The following SETDB1 variants were observed in gnomAD, a reference collection of about 807,000 sequenced individuals.
The protein encoded by SETDB1 is histone-lysine N-methyltransferase SETDB1.
SETDB1 carries 31 observed loss-of-function variants against 137.4 expected under a neutral mutation model. The ratio of observed to expected loss-of-function variants is 0.23; its 90% CI spans 0.17 to 0.30. The LOEUF (loss-of-function observed/expected upper bound fraction) is 0.30. Ranked by LOEUF, SETDB1 falls within the 10% of genes least tolerant of loss-of-function variation. The pLI, the probability that SETDB1 is intolerant of heterozygous loss-of-function variation, is 1.00. For synonymous variants in SETDB1, 548 were observed against 579.9 expected (o/e 0.95, Z 0.79); for missense variants, 1,113 against 1,631.5 (o/e 0.68, Z 5.47).
intron 19 of SETDB1, 80 bp from the exon 20 acceptor site, chr1:150,963,440 GGAGAGAAATA>G (rs1670888272): frequency 9.0e-7 from 1 of 1,111,334 alleles, no homozygotes; most frequent in African/African-American, 1.6e-5. Context: ...TGCAATGTTG[GGAGAGAAATA>G]GGGGTAGAAT....
At position 150,960,772 on chromosome 1, in the gene SETDB1, G is replaced by T; in HGVS notation, c.2713G>T (p.Asp905Tyr). 1 of 1,610,636 alleles carries T rather than the reference G, an allele frequency of 6.2e-7. No homozygotes were observed. The highest frequency in any genetic ancestry group is 8.5e-7 in the Non-Finnish European group (1 of 1,178,338). Reference protein sequence around the residue: ...GTEDPEESNDDSSDDNFCKDE... With the variant: ...GTEDPEESNDYSSDDNFCKDE... ...AGAGGACCCTGAAGAGTCCAATGAT[G>T]ATAGCTCAGATGATAACTTCTGTAA... The change falls in exon 16 of 22, where the codon GAT becomes TAT. Residue 905 changes from aspartate (D) to tyrosine (Y), a missense_variant. By Grantham distance (160) the Asp-to-Tyr change is radical. Around this residue, in one of 11 missense-constraint regions of SETDB1, gnomAD observed 373 missense variants for 412.7 expected, o/e 0.90. Transcript: ENST00000692827.
rs1177389470 is a variant in SETDB1, at chr1:150,964,550, C to T, written c.*186C>T. On this transcript the variant is annotated 3_prime_UTR_variant, in exon 22 of 22. Transcript: ENST00000692827. ...GTGCTAGCAGGCAGGATCCCTTCTC[C>T]ACCTCCAAAGGCCCTAAAGGGTGGG... is the stretch of plus-strand genomic sequence containing the variant. 2 of 703,302 alleles carry T rather than the reference C, an allele frequency of 2.8e-6. No homozygotes were observed. The highest frequency in any genetic ancestry group is 5.2e-6 in the Non-Finnish European group (2 of 385,994). The allele number at this position is 703,302 out of a possible 1,614,324, so 43.6% of individuals were successfully genotyped here.
chr1:150,940,413 T>C (rs937905938), intron 4 of SETDB1, among the ~76,000 whole-genome samples: 5 of 149,714 alleles, frequency 3.3e-5, no homozygotes, highest in African/African-American at 9.8e-5. Context: ...TAAAAAAATA[T>C]AAAAATTAGC....
Position 150,950,966 on chromosome 1 carries a change from A to T in SETDB1, c.2092A>T (p.Ile698Phe). 6.2e-7 allele frequency: 1 copy of T among 1,614,064 alleles called. No individual in the cohort carries two copies. The highest frequency in any genetic ancestry group is 8.5e-7 in the Non-Finnish European group (1 of 1,180,022). The change falls in exon 13 of 22, where the codon ATT becomes TTT. Residue 698 changes from isoleucine to phenylalanine, a missense_variant. By Grantham distance (21) the Ile-to-Phe change is conservative (BLOSUM62 0). This residue lies in a region of SETDB1 where 81 missense variants were observed against 123.4 expected (regional missense o/e 0.66). Transcript: ENST00000692827. Reference protein sequence around the residue: ...EDVPLSCVNEIDTTPPPQVAY... With the variant: ...EDVPLSCVNEFDTTPPPQVAY... ...TGTTCCCCTATCCTGTGTCAATGAG[A>T]TTGACACAACCCCTCCACCCCAGGT...
At chr1:150,930,967 T>C (rs900823228) in intron 3 of SETDB1, among the ~76,000 whole-genome samples, 1 of 152,036 alleles carries the variant, frequency 6.6e-6, no homozygotes, top group African/African-American at 2.4e-5. Context: ...GTTGAATAAG[T>C]TTTAAGAGCA....
intron 3 of SETDB1, among the ~76,000 whole-genome samples, chr1:150,931,690 T>C (rs1571623664): frequency 9.9e-6 from 1 of 101,222 alleles, no homozygotes; most frequent in African/African-American, 3.8e-5. Flanking sequence ...ACTACTGCAC[T>C]CCAGCCTGGG....
intron 15 of SETDB1, 121 bp from the exon 16 acceptor site, chr1:150,960,442 A>G (rs1670783780): frequency 1.2e-6 from 1 of 841,938 alleles, no homozygotes; most frequent in East Asian, 2.5e-5. Flanking sequence ...GCGCCACTGC[A>G]CTCCAGCCTG....
rs756236845 is a variant in SETDB1 at position 150,951,083 on chromosome 1, C to T, written c.2209C>T (p.Arg737Trp). 1.9e-5 allele frequency: 30 copies of T among 1,607,588 alleles called. No homozygotes were observed. Among genetic ancestry groups the T allele is most frequent in the East Asian group, 2.2e-5 (1 of 44,754 alleles). ...TGGCTGTGACTGCAAGGATGGGTGT[C>T]GGGACAAGTGAGTTGGTGGGGGGAA... Reference protein sequence around the residue: ...LVGCDCKDGCRDKSKCACHQL... With the variant: ...LVGCDCKDGCWDKSKCACHQL... Residue 737 changes from arginine to tryptophan, a missense_variant, in exon 13 of 22, where the codon CGG (arginine) becomes TGG (tryptophan). This residue lies in a region of SETDB1 where 81 missense variants were observed against 123.4 expected (regional missense o/e 0.66). Coordinates refer to ENST00000692827, the MANE Select transcript of SETDB1 (RefSeq NM_001366418.1).
At chr1:150,958,990 A>G (rs978588390) in intron 14 of SETDB1, among the ~76,000 whole-genome samples, 188 bp from the exon 15 acceptor site, 1 of 152,160 alleles carries the variant, frequency 6.6e-6, no homozygotes, top group Non-Finnish European at 1.5e-5. Context: ...TCCTTGGGCT[A>G]CATTTCCAAA....
intron 10 of SETDB1, among the ~76,000 whole-genome samples, chr1:150,947,559 GA>G (rs970478964): frequency 2.6e-5 from 4 of 152,132 alleles, no homozygotes; most frequent in Non-Finnish European, 4.4e-5. Context: ...TGGTTTGCTT[GA>G]GCTGAGGAAT....
rs1382773281 is a variant in SETDB1 at position 150,933,767 on chromosome 1, CTTTTTCTTTTTCTTTTTT to C, written c.412+3655_412+3672del. Among the ~76,000 whole-genome samples the C allele has an allele frequency of 9.4e-3, 1,093 of 116,818 alleles. 17 individuals are homozygous for C. The highest frequency in any genetic ancestry group is 0.013 in the Non-Finnish European group (720 of 56,014). 76.6% of individuals were successfully genotyped at this position (116,818 alleles called of 152,430 possible). A position where few individuals can be genotyped will look rare whatever the true frequency, so the allele number is the denominator to read the frequency against. On this transcript the variant is annotated intron_variant, in intron 3 of 21. Coordinates refer to ENST00000692827, the MANE Select transcript of SETDB1 (RefSeq NM_001366418.1). ...GATTTTTCTTTTTCTTTTTCTTTTT[CTTTTTCTTTTTCTTTTTT>C]TTTTTTTTTTTTTTGAGATGGAGTT...
chr1:150,949,648 G>A, intron 12 of SETDB1, 123 bp downstream of exon 12: 2 of 775,308 alleles, frequency 2.6e-6, no homozygotes, highest in East Asian at 2.6e-5. Context: ...GTTTGGACTT[G>A]AAAAGGAAGC....
chr1:150,953,555 G>A (rs1171471539), intron 14 of SETDB1, among the ~76,000 whole-genome samples: 3 of 151,192 alleles, frequency 2.0e-5, no homozygotes, highest in East Asian at 2.0e-4. Flanking sequence ...TTGGCCATGC[G>A]CGGTGGCTCA....
chr1:150,942,399 G>C (rs971626891), intron 5 of SETDB1, among the ~76,000 whole-genome samples, 164 bp from the exon 6 acceptor site: 1 of 146,826 alleles, frequency 6.8e-6, no homozygotes, highest in Non-Finnish European at 1.5e-5. Flanking sequence ...AGTGAGCCAA[G>C]ATCGCACCAC....
At chr1:150,943,591 C>T (rs1331281961) in intron 7 of SETDB1, among the ~76,000 whole-genome samples, 1 of 152,028 alleles carries the variant, frequency 6.6e-6, no homozygotes, top group East Asian at 1.9e-4. Context: ...CAGGAGAATT[C>T]CTTGAACCTG....
intron 18 of SETDB1, 122 bp downstream of exon 18, chr1:150,962,841 C>CTTATTTTCT (rs1670866097): frequency 2.1e-6 from 3 of 1,449,328 alleles, no homozygotes; most frequent in Non-Finnish European, 2.8e-6. Context: ...GACTTCCTGC[C>CTTATTTTCT]TTATTTTCTT....
chr1:150,960,726 G>A lies in SETDB1; in HGVS notation c.2667G>A (p.Gln889=), dbSNP rs1670790936. 8 of 1,611,254 alleles carry A rather than the reference G, an allele frequency of 5.0e-6. No homozygotes were observed. The Admixed American group carries it at 1.2e-4, about 24-fold the overall frequency. ...GCAGTGGTGTAGACTTGAAGGACCA[G>A]GAAGATGGCAACAGCGGTACAGAGG... is the stretch of plus-strand genomic sequence containing the variant. ...SDSSGVDLKD[Q]EDGNSGTEDP... is the part of the protein sequence containing the mutation. Residue 889 remains glutamine (Q), a synonymous_variant, in exon 16 of 22, where the codon CAG becomes CAA. Coordinates refer to ENST00000692827, the MANE Select transcript of SETDB1 (RefSeq NM_001366418.1).
intron 3 of SETDB1, among the ~76,000 whole-genome samples, chr1:150,931,740 A>AAC (rs1553238503): frequency 6.7e-6 from 1 of 148,468 alleles, no homozygotes; most frequent in Non-Finnish European, 1.5e-5. Context: ...AAAAAAAAAA[A>AAC]AAAAAACAGA....
At chr1:150,927,995 A>G (rs975506767) in intron 2 of SETDB1, 21 bp downstream of exon 2, 7 of 1,610,366 alleles carry the variant, frequency 4.3e-6, no homozygotes, top group Non-Finnish European at 5.9e-6. Context: ...CATGGAAAAT[A>G]GAAGGAAATC....
Sources: gnomAD v4.1 joint callset for allele counts (sites outside exome capture counted in the v4.1 genomes callset) on GRCh38, gnomAD v4.1.1 for gene constraint, gnomAD v4.1.1 regional missense constraint, MANE v1.5 for transcripts, NCBI Gene and HGNC (gene_info 2026-07-23, HGNC 2026-07-21) for gene names.